The following RORA variants were observed in gnomAD, a reference collection of about 807,000 sequenced individuals.
RORA encodes RAR related orphan receptor A.
RORA carries 7 observed loss-of-function variants against 69.5 expected under a neutral mutation model. That is an observed-to-expected ratio of 0.10 (90% CI 0.06 to 0.19). RORA has a LOEUF of 0.19. Among genes scored for constraint, RORA ranks in the 10% least tolerant of loss-of-function variants. The pLI is 1.00. For synonymous variants in RORA, 261 were observed against 240.8 expected (o/e 1.08, Z -0.78); for missense variants, 457 against 663.0 (o/e 0.69, Z 3.41).
At chr15:60,852,521 C>T (rs914486213) in intron 1 of RORA, among the ~76,000 whole-genome samples, 7 of 152,218 alleles carry the variant, frequency 4.6e-5, no homozygotes, top group East Asian at 3.9e-4. Context: ...CCTGGCACAC[C>T]GTAGGTGCTT....
At chr15:60,543,210 T>G (rs2066956291) in intron 2 of RORA, among the ~76,000 whole-genome samples, 1 of 68,992 alleles carries the variant, frequency 1.4e-5, no homozygotes, top group Non-Finnish European at 2.9e-5. Context: ...TTTTTTTTTT[T>G]TTAAGGAAAA....
intron 1 of RORA, among the ~76,000 whole-genome samples, chr15:60,923,861 T>C (rs1168546576): frequency 6.6e-6 from 1 of 152,172 alleles, no homozygotes; most frequent in African/African-American, 2.4e-5. Flanking sequence ...TAGCTGTGGT[T>C]CTGCTAAGTT....
chr15:60,832,745 C>G (rs1337352740), intron 1 of RORA, among the ~76,000 whole-genome samples: 3 of 152,158 alleles, frequency 2.0e-5, no homozygotes, highest in African/African-American at 7.2e-5. Flanking sequence ...AAAACATCAT[C>G]TGTCACATTT....
intron 1 of RORA, among the ~76,000 whole-genome samples, chr15:61,009,252 G>A (rs1300230619): frequency 2.0e-5 from 3 of 152,168 alleles, no homozygotes; most frequent in Non-Finnish European, 4.4e-5. Context: ...TCCGGGGGAG[G>A]GATGGGTAGG....
chr15:61,053,325 G>C (rs2078041099), intron 1 of RORA, among the ~76,000 whole-genome samples: 1 of 151,268 alleles, frequency 6.6e-6, no homozygotes, highest in African/African-American at 2.4e-5. Context: ...CTTCCCGGGA[G>C]ACTCCATGGT....
chr15:61,032,075 G>A (rs958531242), intron 1 of RORA, among the ~76,000 whole-genome samples: 1 of 152,186 alleles, frequency 6.6e-6, no homozygotes, highest in Non-Finnish European at 1.5e-5. Flanking sequence ...TTGCACGTAA[G>A]CATGTATGTC....
chr15:60,500,236 C>T (rs1430073609), intron 9 of RORA, among the ~76,000 whole-genome samples: 2 of 151,986 alleles, frequency 1.3e-5, no homozygotes, highest in East Asian at 3.9e-4. Context: ...AGGAAGGATC[C>T]TCCCCTTCCA....
rs541094211 is a variant in RORA at position 60,672,581 on chromosome 15, T to C, written c.196+6076A>G. On this transcript the variant is annotated intron_variant, in intron 2 of 10. Transcript: ENST00000335670. The stretch of plus-strand genomic sequence containing the variant: ...ACTGGAGATAACGGTGTGGCTCTTA[T>C]GTGTGCACAAGGGGGCAATCTACTC... Among the ~76,000 whole-genome samples, 3 of 152,340 alleles carry C rather than the reference T, an allele frequency of 2.0e-5. No individual in the cohort carries two copies. The East Asian group carries it at 5.8e-4, about 29-fold the overall frequency.
chr15:61,004,253 A>AGGG (rs1692769716), intron 1 of RORA, among the ~76,000 whole-genome samples: 2 of 151,256 alleles, frequency 1.3e-5, no homozygotes, highest in East Asian at 1.9e-4. Context: ...ATGGGGAGAG[A>AGGG]GAGGAGAGAG....
At chr15:61,186,503 T>C (rs1364618663) in intron 1 of RORA, among the ~76,000 whole-genome samples, 2 of 151,850 alleles carry the variant, frequency 1.3e-5, no homozygotes, top group East Asian at 1.9e-4. Context: ...TAGCCTGGCA[T>C]GGTGGTCCAT....
At chr15:60,854,046 G>A (rs1008756992) in intron 1 of RORA, among the ~76,000 whole-genome samples, 6 of 152,126 alleles carry the variant, frequency 3.9e-5, no homozygotes, top group South Asian at 2.1e-4. Flanking sequence ...GGTGGATCAC[G>A]AGGTGAAGAG....
Position 60,511,416 on chromosome 15 carries a change from C to T in RORA, c.630G>A (p.Glu210=). The T allele has an allele frequency of 6.2e-7, 1 of 1,614,200 alleles. No individual in the cohort carries two copies. ...TGACGGCGGAGTCTGCCTTACTCCCCTCAGGGGTGTGCCCGTCAATGTAGT... is the reference window on the plus strand; with the variant it reads ...TGACGGCGGAGTCTGCCTTACTCCCTTCAGGGGTGTGCCCGTCAATGTAGT... ...LSNYIDGHTP[E]GSKADSAVSS... Residue 210 remains glutamate, a synonymous_variant, in exon 5 of 11, where the codon GAG becomes GAA. Coordinates refer to ENST00000335670, the MANE Select transcript of RORA (RefSeq NM_134261.3). This position sits in a 1 kb window ranked among gnomAD's most constrained non-coding sequence, Gnocchi z 6.4.
At chr15:60,774,708 T>C (rs2072136026) in intron 1 of RORA, among the ~76,000 whole-genome samples, 1 of 152,206 alleles carries the variant, frequency 6.6e-6, no homozygotes, top group Non-Finnish European at 1.5e-5. Context: ...CACTGGTATT[T>C]CTGAATGGAC....
chr15:60,597,577 C>CAT (rs1303140365), intron 2 of RORA, among the ~76,000 whole-genome samples: 1,813 of 25,224 alleles, frequency 0.072, 206 homozygotes, highest in African/African-American at 0.13. Context: ...TATATATACA[C>CAT]ATATATATAT....
At chr15:60,951,060 G>A (rs1045355659) in intron 1 of RORA, among the ~76,000 whole-genome samples, 1 of 151,048 alleles carries the variant, frequency 6.6e-6, no homozygotes, top group Non-Finnish European at 1.5e-5. Flanking sequence ...CTCAGCAAAT[G>A]TAAAAGAACA....
At chr15:60,907,908 T>G (rs1258621196) in intron 1 of RORA, among the ~76,000 whole-genome samples, 1 of 152,234 alleles carries the variant, frequency 6.6e-6, no homozygotes, top group Non-Finnish European at 1.5e-5. Flanking sequence ...GTGAGAAACC[T>G]TGCTCCCAGG....
intron 1 of RORA, among the ~76,000 whole-genome samples, chr15:61,056,276 G>A (rs1204354406): frequency 1.3e-5 from 2 of 152,194 alleles, no homozygotes; most frequent in African/African-American, 4.8e-5. Context: ...ATCCTGTGAG[G>A]TGGTTATTGG....
intron 1 of RORA, among the ~76,000 whole-genome samples, chr15:60,937,752 C>A (rs1892568934): frequency 6.6e-6 from 1 of 152,154 alleles, no homozygotes; most frequent in South Asian, 2.1e-4. Context: ...TTGAGCAAAT[C>A]ACCCAGCCAC....
chr15:60,733,359 T>C (rs1317638952), intron 1 of RORA, among the ~76,000 whole-genome samples: 2 of 152,200 alleles, frequency 1.3e-5, no homozygotes, highest in African/African-American at 2.4e-5. Flanking sequence ...CTTATGAGTA[T>C]GACCAGTCTG....
Sources: gnomAD v4.1 joint callset for allele counts (sites outside exome capture counted in the v4.1 genomes callset) on GRCh38, gnomAD v4.1.1 for gene constraint, Gnocchi (gnomAD v3.1) non-coding constraint, MANE v1.5 for transcripts, NCBI Gene and HGNC (gene_info 2026-07-23, HGNC 2026-07-21) for gene names.